The following ARHGAP42 variants were observed in gnomAD, a reference collection of about 807,000 sequenced individuals.
ARHGAP42 encodes rho GTPase-activating protein 42.
Under a neutral mutation model 125.0 loss-of-function variants are expected in ARHGAP42, and 63 were observed. The ratio of observed to expected loss-of-function variants is 0.50; its 90% CI spans 0.41 to 0.62. ARHGAP42 has a LOEUF of 0.62. Ranked by LOEUF, ARHGAP42 falls within the 20% of genes least tolerant of loss-of-function variation. The probability of loss-of-function intolerance (pLI) is 0.00; values close to 1 mark genes in which losing one functional copy is unlikely to be tolerated. For missense variants in ARHGAP42, 766 were observed against 1,024.2 expected (o/e 0.75, Z 3.44); for synonymous variants, 339 against 351.0 (o/e 0.97, Z 0.38).
rs1297248502 is a variant in ARHGAP42, at chr11:100,687,615, G to T, written c.-64G>T. On this transcript the variant is annotated 5_prime_UTR_variant, in exon 1 of 24. Transcript: ENST00000298815. ...GACCCCAGCGCCCGCCGCGGCCGCC[G>T]GCTGCCCCCGCCCTGACCTCCGGCC... The T allele has an allele frequency of 2.5e-6, 3 of 1,199,108 alleles. No homozygotes were observed. In the African/African-American group the frequency reaches 4.8e-5, roughly 19 times the overall value. The allele number at this position is 1,199,108 out of a possible 1,614,324, so 74.3% of individuals were successfully genotyped here.
intron 3 of ARHGAP42, among the ~76,000 whole-genome samples, chr11:100,838,962 G>A (rs532828844): frequency 4.0e-5 from 6 of 151,738 alleles, no homozygotes; most frequent in South Asian, 4.2e-4. Flanking sequence ...TTTTCCTAGT[G>A]TCCCAATGAA....
At chr11:100,776,826 T>A (rs1160084648) in intron 2 of ARHGAP42, among the ~76,000 whole-genome samples, 1 of 151,564 alleles carries the variant, frequency 6.6e-6, no homozygotes, top group Non-Finnish European at 1.5e-5. Flanking sequence ...CTTCTAAAAA[T>A]ACAAAAATGA....
At position 100,991,151 on chromosome 11, in the gene ARHGAP42, T is replaced by C. The variant is rs181117623; in HGVS notation, c.*2350T>C. Reference sequence around the variant, plus strand: ...TGCTTGAACTTTTAATCTTCTAGATTTGTGAGGATGGCTCTTTTTCCTTCA... The same window carrying C: ...TGCTTGAACTTTTAATCTTCTAGATCTGTGAGGATGGCTCTTTTTCCTTCA... On this transcript the variant is annotated 3_prime_UTR_variant, in exon 24 of 24. Coordinates refer to ENST00000298815, the MANE Select transcript of ARHGAP42 (RefSeq NM_152432.4). 1 of 152,184 alleles carries C rather than the reference T, an allele frequency of 6.6e-6. No individual in the cohort carries two copies. Among genetic ancestry groups the C allele is most frequent in the African/African-American group, 2.4e-5 (1 of 41,560 alleles). The allele number at this position is 152,184 out of a possible 1,614,324, so 9.4% of individuals were successfully genotyped here. A position where few individuals can be genotyped will look rare whatever the true frequency, so the allele number is the denominator to read the frequency against.
At position 100,811,237 on chromosome 11, in the gene ARHGAP42, C is replaced by T. The variant is rs189095752; in HGVS notation, c.312+16071C>T. On this transcript the variant is annotated intron_variant, in intron 3 of 23. Coordinates refer to ENST00000298815, the MANE Select transcript of ARHGAP42 (RefSeq NM_152432.4). ...TCCCAAAGTGCTAGGATGATAGGCG[C>T]GAGCTACCATGCCTGGCCAGAATAA... 9.5e-4 allele frequency among the ~76,000 whole-genome samples: 145 copies of T among 152,122 alleles called. 1 individual carries two copies. The highest frequency in any genetic ancestry group is 3.3e-3 in the African/African-American group (136 of 41,508).
intron 1 of ARHGAP42, among the ~76,000 whole-genome samples, chr11:100,709,335 C>T (rs560156865): frequency 6.6e-6 from 1 of 152,198 alleles, no homozygotes; most frequent in African/African-American, 2.4e-5. Flanking sequence ...TCTCAAATAC[C>T]CTGTACTATA....
chr11:100,692,692 G>A (rs1861211611), intron 1 of ARHGAP42, among the ~76,000 whole-genome samples: 2 of 152,202 alleles, frequency 1.3e-5, no homozygotes, highest in South Asian at 4.1e-4. Flanking sequence ...GGACAATGCA[G>A]TCAGTTAAGG....
rs1749346656 is a variant in ARHGAP42 at position 100,976,259 on chromosome 11, A to G, written c.2058A>G (p.Ser686=). ...SLGLWTTSPE[S]SSREDATKTD... The stretch of plus-strand genomic sequence containing the variant: ...GTCTGTGGACAACTAGTCCTGAATC[A>G]AGTTCCAGAGAAGATGCAACCAAGA... Residue 686 remains serine, a synonymous_variant, in exon 20 of 24, where the codon TCA becomes TCG. Transcript: ENST00000298815. 1.3e-6 allele frequency: 2 copies of G among 1,551,536 alleles called. No individual in the cohort carries two copies. Among genetic ancestry groups the G allele is most frequent in the African/African-American group, 2.7e-5 (2 of 73,028 alleles).
At chr11:100,808,637 C>T (rs1214210003) in intron 3 of ARHGAP42, among the ~76,000 whole-genome samples, 1 of 151,130 alleles carries the variant, frequency 6.6e-6, no homozygotes, top group African/African-American at 2.4e-5. Context: ...GATCTCCTGA[C>T]CTCATGATCC....
At chr11:100,847,159 T>C (rs933088479) in intron 3 of ARHGAP42, among the ~76,000 whole-genome samples, 4 of 152,174 alleles carry the variant, frequency 2.6e-5, no homozygotes, top group African/African-American at 9.7e-5. Context: ...CAATTTTTAT[T>C]TAACCCAAGG....
chr11:100,727,883 G>C (rs1466623976), intron 1 of ARHGAP42, among the ~76,000 whole-genome samples: 1 of 152,180 alleles, frequency 6.6e-6, no homozygotes, highest in African/African-American at 2.4e-5. Context: ...AGCCAAGTCG[G>C]ACAGAAGTGT....
intron 22 of ARHGAP42, among the ~76,000 whole-genome samples, chr11:100,980,559 CTTTTT>C (rs763302463): frequency 0.084 from 4,341 of 51,976 alleles, 385 homozygotes; most frequent in African/African-American, 0.17. Flanking sequence ...TTTTCTTCTT[CTTTTT>C]TTTTTTTTTT....
chr11:100,847,249 A>C (rs78570401), intron 3 of ARHGAP42, among the ~76,000 whole-genome samples: 56 of 152,262 alleles, frequency 3.7e-4, no homozygotes, highest in African/African-American at 1.2e-3. Context: ...ATAAGTAATG[A>C]ATCTCCAGTT....
At chr11:100,845,564 C>T (rs1013214025) in intron 3 of ARHGAP42, among the ~76,000 whole-genome samples, 2 of 151,836 alleles carry the variant, frequency 1.3e-5, no homozygotes, top group East Asian at 1.9e-4. Flanking sequence ...TGAGAGGAGG[C>T]GGTGATGGTA....
chr11:100,907,352 C>G (rs745566060), intron 4 of ARHGAP42, among the ~76,000 whole-genome samples: 6 of 152,168 alleles, frequency 3.9e-5, no homozygotes, highest in Non-Finnish European at 7.3e-5. Context: ...TGTAGGAGTT[C>G]CTTGTAAATG....
chr11:100,947,825 A>G (rs1198961615), intron 10 of ARHGAP42, among the ~76,000 whole-genome samples: 1 of 151,962 alleles, frequency 6.6e-6, no homozygotes, highest in Non-Finnish European at 1.5e-5. Context: ...AATATTTTAT[A>G]TCTTTTCCTC....
chr11:100,918,265 T>C (rs1472230434), intron 5 of ARHGAP42, among the ~76,000 whole-genome samples: 3 of 152,228 alleles, frequency 2.0e-5, no homozygotes, highest in South Asian at 2.1e-4. Flanking sequence ...ACTCTTCTCA[T>C]TTTATCTGTT....
intron 23 of ARHGAP42, 134 bp downstream of exon 23, chr11:100,987,726 G>A: frequency 5.1e-6 from 4 of 787,324 alleles, no homozygotes; most frequent in Non-Finnish European, 2.1e-6. Context: ...TAACGGGCAT[G>A]CATGAACACA....
At chr11:100,819,260 C>T (rs1373459974) in intron 3 of ARHGAP42, among the ~76,000 whole-genome samples, 1 of 152,086 alleles carries the variant, frequency 6.6e-6, no homozygotes, top group Admixed American at 6.6e-5. Context: ...AGTCAGAAGG[C>T]TATTGTATTA....
chr11:100,713,903 AT>A (rs2120246468), intron 1 of ARHGAP42, among the ~76,000 whole-genome samples: 1 of 152,214 alleles, frequency 6.6e-6, no homozygotes, highest in Admixed American at 6.5e-5. Context: ...TCTAATGTGG[AT>A]TGAATTTTAC....
Sources: allele counts gnomAD v4.1 joint callset (sites outside exome capture counted in the v4.1 genomes callset), GRCh38; gene constraint gnomAD v4.1.1; transcripts MANE v1.5; gene names NCBI Gene and HGNC (gene_info 2026-07-23, HGNC 2026-07-21).